MMUT: variants seen among roughly 807,000 people sequenced by gnomAD.
The protein encoded by MMUT is methylmalonyl-CoA mutase, mitochondrial.
Under a neutral mutation model 79.9 loss-of-function variants are expected in MMUT, and 79 were observed. The ratio of observed to expected loss-of-function variants is 0.99; its 90% CI spans 0.82 to 1.19. The LOEUF (loss-of-function observed/expected upper bound fraction) is 1.19, where lower values mean the gene tolerates loss of function less well. Among genes scored for constraint, MMUT ranks in the 50% most tolerant of loss-of-function variants. The probability of loss-of-function intolerance (pLI) is 0.00; values close to 1 mark genes in which losing one functional copy is unlikely to be tolerated. For missense variants in MMUT, 860 were observed against 917.2 expected, an observed-to-expected ratio of 0.94 and a Z score of 0.81; for synonymous variants, 273 against 295.7, an observed-to-expected ratio of 0.92 and a Z score of 0.79.
chr6:49,450,753 G>A (rs1352800691), intron 6 of MMUT, among the ~76,000 whole-genome samples: 1 of 152,144 alleles, frequency 6.6e-6, no homozygotes, highest in African/African-American at 2.4e-5. Context: ...AGGTTTCTAT[G>A]AGATGTACTT....
intron 1 of MMUT, 38 bp from the exon 2 acceptor site, chr6:49,459,543 G>A: frequency 1.3e-6 from 2 of 1,500,226 alleles, no homozygotes; most frequent in Non-Finnish European, 1.8e-6. Flanking sequence ...ATTTAGAAGA[G>A]GGGGTGGGAA....
chr6:49,459,091 T>G lies in MMUT; in HGVS notation c.376A>C (p.Asn126His). Residue 126 changes from asparagine (N) to histidine (H), a missense_variant, in exon 2 of 13, where the codon AAC becomes CAC. Transcript: ENST00000274813. ...VEESNKFYKDNIKAGQQGLSV... is the reference protein window; with the variant it reads ...VEESNKFYKDHIKAGQQGLSV... The stretch of plus-strand genomic sequence containing the variant: ...TACATTAAAATCTCACCCTTAATGT[T>G]GTCCTTATAGAACTTATTGCTTTCT... The G allele has an allele frequency of 1.2e-6, 2 of 1,614,114 alleles. No homozygotes were observed. Among genetic ancestry groups the G allele is most frequent in the Non-Finnish European group, 1.7e-6 (2 of 1,179,978 alleles).
At chr6:49,448,265 A>G (rs1163896079) in intron 7 of MMUT, among the ~76,000 whole-genome samples, 1 of 151,948 alleles carries the variant, frequency 6.6e-6, no homozygotes, top group Non-Finnish European at 1.5e-5. Flanking sequence ...CCAGATTATT[A>G]CTCTTATATA....
chr6:49,443,761 G>C (rs757288561), intron 9 of MMUT: 4 of 440,146 alleles, frequency 9.1e-6, no homozygotes, highest in Non-Finnish European at 1.8e-5. Flanking sequence ...ATCCTATTAG[G>C]TAGTAAGTAC....
chr6:49,434,014 A>T (rs1180885261), intron 12 of MMUT, among the ~76,000 whole-genome samples: 1 of 152,162 alleles, frequency 6.6e-6, no homozygotes, highest in Non-Finnish European at 1.5e-5. Context: ...TTGAAATATA[A>T]TTCTTGAAAA....
chr6:49,444,213 TGGTTAAAA>T (rs1767350495), intron 9 of MMUT, among the ~76,000 whole-genome samples: 1 of 152,078 alleles, frequency 6.6e-6, no homozygotes, highest in Non-Finnish European at 1.5e-5. Context: ...GGTTGCTTCA[TGGTTAAAA>T]CTAATTCAAA....
At position 49,459,325 on chromosome 6, in the gene MMUT, T is replaced by C. The variant is rs1277361146; in HGVS notation, c.142A>G (p.Lys48Glu). 1.2e-6 allele frequency: 2 copies of C among 1,614,044 alleles called. No individual in the cohort carries two copies. The highest frequency in any genetic ancestry group is 2.2e-5 in the East Asian group (1 of 44,880). Residue 48 changes from lysine to glutamate, a missense_variant, in exon 2 of 13, where the codon AAA (lysine) becomes GAA (glutamate). Lys to Glu is a moderately conservative substitution (Grantham distance 56). Coordinates refer to ENST00000274813, the MANE Select transcript of MMUT (RefSeq NM_000255.4). ...GGGTTTTTGCCTTTCAGCTGCTTTT[T>C]AGCCAGGGCAGCCCATTCTGGGTGA... is the stretch of plus-strand genomic sequence containing the variant. ...PLHPEWAALA[K>E]KQLKGKNPED... is the part of the protein sequence containing the mutation.
At chr6:49,451,784 A>T in intron 5 of MMUT, 70 bp from the exon 6 acceptor site, 2 of 1,449,366 alleles carry the variant, frequency 1.4e-6, no homozygotes, top group Non-Finnish European at 1.9e-6. Flanking sequence ...AAACAGCAAC[A>T]TGATTAAACA....
chr6:49,452,242 T>C (rs570354935), intron 5 of MMUT, among the ~76,000 whole-genome samples: 1 of 152,304 alleles, frequency 6.6e-6, no homozygotes, highest in African/African-American at 2.4e-5. Flanking sequence ...GCTGAAAAAA[T>C]AAGCAGGTTA....
intron 9 of MMUT, among the ~76,000 whole-genome samples, chr6:49,444,247 A>C (rs1767351161): frequency 6.6e-6 from 1 of 152,070 alleles, no homozygotes; most frequent in East Asian, 1.9e-4. Flanking sequence ...TGGGATGACA[A>C]GTTTTTCCTA....
chr6:49,441,776 A>T, intron 10 of MMUT, 64 bp downstream of exon 10: 15 of 1,528,192 alleles, frequency 9.8e-6, no homozygotes, highest in Non-Finnish European at 1.3e-5. Context: ...AGCTCCCAGT[A>T]GATTCAAGGG....
At position 49,435,560 on chromosome 6, in the gene MMUT, G is replaced by A. The variant is rs1164271240; in HGVS notation, c.2020C>T (p.Leu674Phe). 1 of 1,614,080 alleles carries A rather than the reference G, an allele frequency of 6.2e-7. No homozygotes were observed. Among genetic ancestry groups the A allele is most frequent in the South Asian group, 1.1e-5 (1 of 91,070 alleles). ...ADVHAVGIST[L>F]AAGHKTLVPE... is the part of the protein sequence containing the mutation. ...ACTAGGGTTTTATGACCAGCAGCGA[G>A]GGTGCTTATGCCCACAGCATGCACA... The change falls in exon 12 of 13, where the codon CTC becomes TTC. Residue 674 changes from leucine (L) to phenylalanine (F), a missense_variant. Leu to Phe is a conservative substitution (Grantham distance 22). Coordinates refer to ENST00000274813, the MANE Select transcript of MMUT (RefSeq NM_000255.4).
intron 1 of MMUT, among the ~76,000 whole-genome samples, chr6:49,461,871 A>G (rs1476734855): frequency 2.6e-5 from 4 of 152,236 alleles, no homozygotes; most frequent in Non-Finnish European, 5.9e-5. Context: ...GCCATCCACT[A>G]CATTTACTAG....
At position 49,457,183 on chromosome 6, in the gene MMUT, C is replaced by T. The variant is rs79116351; in HGVS notation, c.753+508G>A. 3.8e-3 allele frequency among the ~76,000 whole-genome samples: 575 copies of T among 152,214 alleles called. 7 individuals carry two copies. The highest frequency in any genetic ancestry group is 0.013 in the African/African-American group (542 of 41,536). On this transcript the variant is annotated intron_variant, in intron 3 of 12. Coordinates refer to ENST00000274813, the MANE Select transcript of MMUT (RefSeq NM_000255.4). ...TGGGGGGAAATATAAACAAATTGCT[C>T]ACAGGAAAATGAAGGAGGAAAATGT...
intron 8 of MMUT, 105 bp from the exon 9 acceptor site, chr6:49,444,859 T>C: frequency 1.3e-6 from 1 of 775,814 alleles, no homozygotes; most frequent in Non-Finnish European, 2.1e-6. Context: ...TTTTCCATAA[T>C]CCTAACTCCA....
intron 8 of MMUT, among the ~76,000 whole-genome samples, chr6:49,447,077 T>A (rs778883013): frequency 7.4e-4 from 113 of 151,978 alleles, no homozygotes; most frequent in Non-Finnish European, 1.3e-3. Context: ...ATGCTCTGGA[T>A]CAACTCAGTG....
chr6:49,436,542 T>C (rs1256798676), intron 11 of MMUT, among the ~76,000 whole-genome samples: 1 of 150,468 alleles, frequency 6.6e-6, no homozygotes, highest in Non-Finnish European at 1.5e-5. Flanking sequence ...GAGGTGGAGG[T>C]TGTAGTGAGC....
At position 49,456,210 on chromosome 6, in the gene MMUT, T is replaced by G; in HGVS notation, c.781A>C (p.Ile261Leu). The change falls in exon 4 of 13, where the codon ATT becomes CTT. Residue 261 changes from isoleucine (I) to leucine (L), a missense_variant. Coordinates refer to ENST00000274813, the MANE Select transcript of MMUT (RefSeq NM_000255.4). ...GCTTCCTGCATATGGTATCCACTAATTGAAATTGAATTAAATTTTGGCATG... is the reference window on the plus strand; with the variant it reads ...GCTTCCTGCATATGGTATCCACTAAGTGAAATTGAATTAAATTTTGGCATG... ...KHMPKFNSISISGYHMQEAGA... is the reference protein window; with the variant it reads ...KHMPKFNSISLSGYHMQEAGA... The G allele has an allele frequency of 6.2e-7, 1 of 1,611,504 alleles. No individual in the cohort carries two copies. The highest frequency in any genetic ancestry group is 8.5e-7 in the Non-Finnish European group (1 of 1,177,812).
chr6:49,452,422 T>TC (rs1314545216), intron 5 of MMUT, among the ~76,000 whole-genome samples: 1 of 152,224 alleles, frequency 6.6e-6, no homozygotes, highest in Non-Finnish European at 1.5e-5. Flanking sequence ...AAGCTCTGCC[T>TC]CCCGGGTTCA....
Sources: allele counts gnomAD v4.1 joint callset (sites outside exome capture counted in the v4.1 genomes callset), GRCh38; gene constraint gnomAD v4.1.1; transcripts MANE v1.5; gene names NCBI Gene and HGNC (gene_info 2026-07-23, HGNC 2026-07-21).